The following CRIM1 variants were observed in gnomAD, a reference collection of about 807,000 sequenced individuals.
CRIM1 encodes cysteine-rich motor neuron 1 protein.
A neutral mutation model predicts 116.4 loss-of-function variants in CRIM1; 32 were observed. The ratio of observed to expected loss-of-function variants is 0.27; its 90% CI spans 0.21 to 0.37. The LOEUF (loss-of-function observed/expected upper bound fraction) is 0.37, where lower values mean the gene tolerates loss of function less well. CRIM1 is among the 10% of genes least tolerant of loss of function. The probability of loss-of-function intolerance (pLI) is 1.00; values close to 1 mark genes in which losing one functional copy is unlikely to be tolerated. For synonymous variants in CRIM1, 590 were observed against 509.2 expected (o/e 1.16, Z -2.13); for missense variants, 1,331 against 1,354.8 (o/e 0.98, Z 0.28).
intron 5 of CRIM1, 129 bp downstream of exon 5, chr2:36,464,784 C>G: frequency 9.0e-7 from 1 of 1,106,010 alleles, no homozygotes; most frequent in Non-Finnish European, 1.3e-6. Flanking sequence ...GAAGGGCACT[C>G]AAAAAGGTTT....
At chr2:36,413,894 A>T (rs1673405935) in intron 2 of CRIM1, among the ~76,000 whole-genome samples, 2 of 152,350 alleles carry the variant, frequency 1.3e-5, no homozygotes, top group African/African-American at 4.8e-5. Flanking sequence ...ATTTATCATT[A>T]GCAAAAGGTC....
intron 2 of CRIM1, among the ~76,000 whole-genome samples, chr2:36,416,209 A>AAATAATAATAATAATAATAATAAT (rs70946929): frequency 6.7e-6 from 1 of 149,864 alleles, no homozygotes; most frequent in African/African-American, 2.5e-5. Context: ...TTTTGTCTCA[A>AAATAATAATAATAATAATAATAAT]AATAATAATA....
intron 2 of CRIM1, among the ~76,000 whole-genome samples, chr2:36,421,036 T>G (rs1036162257): frequency 2.0e-5 from 3 of 152,370 alleles, no homozygotes; most frequent in South Asian, 2.1e-4. Context: ...AGAGGAAATT[T>G]TATTGCAGTA....
At chr2:36,432,400 T>C (rs1227748547) in intron 2 of CRIM1, among the ~76,000 whole-genome samples, 2 of 152,176 alleles carry the variant, frequency 1.3e-5, no homozygotes, top group African/African-American at 4.8e-5. Context: ...TGAATGGCAA[T>C]TTTTTCTGGG....
intron 2 of CRIM1, among the ~76,000 whole-genome samples, chr2:36,440,770 C>G (rs184876574): frequency 1.3e-5 from 2 of 152,338 alleles, no homozygotes; most frequent in Admixed American, 6.5e-5. Flanking sequence ...CCATTGATAA[C>G]TCAGAGTGTG....
chr2:36,446,733 G>A (rs1230130834), intron 4 of CRIM1, among the ~76,000 whole-genome samples: 1 of 151,800 alleles, frequency 6.6e-6, no homozygotes, highest in East Asian at 1.9e-4. Context: ...GAGTTATATG[G>A]CAGTGCATTC....
chr2:36,547,929 G>A (rs927607044), intron 16 of CRIM1, among the ~76,000 whole-genome samples: 1 of 152,162 alleles, frequency 6.6e-6, no homozygotes, highest in African/African-American at 2.4e-5. Context: ...GAACAATTAT[G>A]TAATGTAATT....
chr2:36,453,882 A>G (rs1676926468), intron 4 of CRIM1, among the ~76,000 whole-genome samples: 1 of 152,174 alleles, frequency 6.6e-6, no homozygotes, highest in Admixed American at 6.5e-5. Context: ...GAAAGAGAGA[A>G]GGGCATTCTA....
intron 8 of CRIM1, 80 bp downstream of exon 8, chr2:36,499,427 T>C (rs559369885): frequency 1.4e-6 from 2 of 1,434,758 alleles, no homozygotes; most frequent in East Asian, 2.4e-5. Flanking sequence ...TGAATATCTT[T>C]TTCACTTCTG....
intron 1 of CRIM1, among the ~76,000 whole-genome samples, chr2:36,391,834 C>G (rs1049842636): frequency 6.7e-6 from 1 of 150,350 alleles, no homozygotes; most frequent in Non-Finnish European, 1.5e-5. Context: ...ACTCCTGATA[C>G]TTTAGTATGA....
chr2:36,464,716 G>A, intron 5 of CRIM1, 61 bp downstream of exon 5: 1 of 1,583,584 alleles, frequency 6.3e-7, no homozygotes, highest in Non-Finnish European at 8.6e-7. Flanking sequence ...GAGGAGGGAG[G>A]GTTCAACTTA....
chr2:36,511,383 T>C (rs772006060), intron 9 of CRIM1, among the ~76,000 whole-genome samples: 3 of 152,232 alleles, frequency 2.0e-5, no homozygotes, highest in Non-Finnish European at 4.4e-5. Flanking sequence ...ATTGGAAACA[T>C]TGTTCCGTAA....
At chr2:36,473,562 T>A (rs1340332993) in intron 5 of CRIM1, among the ~76,000 whole-genome samples, 2 of 152,150 alleles carry the variant, frequency 1.3e-5, no homozygotes, top group East Asian at 3.9e-4. Flanking sequence ...CTAATCTACT[T>A]TCTATCTCTA....
rs141894588 is a variant in CRIM1 at position 36,479,691 on chromosome 2, G to A, written c.1369G>A (p.Glu457Lys). ...KVPGECCPVC[E>K]EPTIITVDPP... Reference sequence around the variant, plus strand: ...GCCTGGGGAGTGTTGCCCTGTGTGCGAAGGTAAATCTTGCAGATGCTAATG... The same window carrying A: ...GCCTGGGGAGTGTTGCCCTGTGTGCAAAGGTAAATCTTGCAGATGCTAATG... Residue 457 changes from glutamate to lysine, a missense_variant, in exon 7 of 17, where the codon GAA becomes AAA. Physicochemically the swap from Glu to Lys is moderately conservative, Grantham distance 56 (BLOSUM62 1). Transcript: ENST00000280527. The A allele has an allele frequency of 5.7e-5, 92 of 1,614,012 alleles. No homozygotes were observed. The African/African-American group carries it at 1.0e-3, about 18-fold the overall frequency.
rs539292053 is a variant in CRIM1 at position 36,389,437 on chromosome 2, G to C, written c.332-7177G>C. Among the ~76,000 whole-genome samples the C allele has an allele frequency of 3.3e-5, 5 of 152,316 alleles. No individual in the cohort carries two copies. In the South Asian group the frequency reaches 1.0e-3, roughly 32 times the overall value. ...CTATTTGCATCTTCCTGTAGCCACA[G>C]GGATATGTGAACAGCTGGAGAATTA... On this transcript the variant is annotated intron_variant, in intron 1 of 16. Transcript: ENST00000280527.
In CRIM1 at chr2:36,476,950, G is replaced by A. The variant is rs76921423; in HGVS notation, c.1053G>A (p.Met351Ile). ...VEYYDGDMFR[M>I]DNCRFCRCQG... ...ATTATGATGGAGACATGTTTCGAAT[G>A]GACAACTGTCGGTTCTGTCGATGCC... The change falls in exon 6 of 17, where the codon ATG (methionine) becomes ATA (isoleucine). Residue 351 changes from methionine (M) to isoleucine (I), a missense_variant. Physicochemically the swap from Met to Ile is conservative, Grantham distance 10. This residue lies in a region of CRIM1 where 690 missense variants were observed against 676.0 expected (regional missense o/e 1.02). Transcript: ENST00000280527. The A allele has an allele frequency of 2.0e-4, 320 of 1,614,010 alleles. No individual in the cohort carries two copies. In the African/African-American group the frequency reaches 4.1e-3, roughly 21 times the overall value.
chr2:36,497,272 C>G (rs1680665951), intron 7 of CRIM1, among the ~76,000 whole-genome samples: 1 of 152,178 alleles, frequency 6.6e-6, no homozygotes, highest in African/African-American at 2.4e-5. Flanking sequence ...CCTAATCGCT[C>G]TAGAACATAG....
intron 11 of CRIM1, 31 bp from the exon 12 acceptor site, chr2:36,517,296 T>A: frequency 6.4e-7 from 1 of 1,573,570 alleles, no homozygotes; most frequent in East Asian, 2.2e-5. Flanking sequence ...TGCAGATGAA[T>A]AATGTGTTCT....
At chr2:36,379,544 T>G (rs934163464) in intron 1 of CRIM1, among the ~76,000 whole-genome samples, 3 of 152,160 alleles carry the variant, frequency 2.0e-5, no homozygotes, top group African/African-American at 7.2e-5. Context: ...GCAGAGGTAA[T>G]GTGCAGTCTT....
Sources: allele counts gnomAD v4.1 joint callset (sites outside exome capture counted in the v4.1 genomes callset), GRCh38; gene constraint gnomAD v4.1.1; regional missense constraint gnomAD v4.1.1; transcripts MANE v1.5; gene names NCBI Gene and HGNC (gene_info 2026-07-23, HGNC 2026-07-21).